The following TSHZ3 variants were observed in gnomAD, a reference collection of about 807,000 sequenced individuals.
TSHZ3 encodes teashirt zinc finger homeobox 3, also known as teashirt homolog 3.
In TSHZ3, 10 loss-of-function variants were observed where a neutral mutation model predicts 64.5. That is an observed-to-expected ratio of 0.16 (90% CI 0.10 to 0.26). TSHZ3 has a LOEUF of 0.26. Among genes scored for constraint, TSHZ3 ranks in the 10% least tolerant of loss-of-function variants. TSHZ3 has a pLI of 1.00. For synonymous variants in TSHZ3, 608 were observed against 593.1 expected, an observed-to-expected ratio of 1.03 and a Z score of -0.36; for missense variants, 1,242 against 1,421.7, an observed-to-expected ratio of 0.87 and a Z score of 2.03.
At chr19:31,158,101 A>G (rs1406803249) in intron 5 of TSHZ3, among the ~76,000 whole-genome samples, 1 of 152,254 alleles carries the variant, frequency 6.6e-6, no homozygotes, top group Non-Finnish European at 1.5e-5. Flanking sequence ...CCCTAATTGT[A>G]CTTTCCTACT....
At chr19:31,241,447 C>G (rs1338637832) in intron 3 of TSHZ3, among the ~76,000 whole-genome samples, 1 of 152,182 alleles carries the variant, frequency 6.6e-6, no homozygotes, top group African/African-American at 2.4e-5. Context: ...GCATCCAGCC[C>G]CACCACACTG....
intron 1 of TSHZ3, among the ~76,000 whole-genome samples, chr19:31,288,165 G>A (rs576925460): frequency 2.6e-5 from 4 of 152,044 alleles, no homozygotes; most frequent in Non-Finnish European, 5.9e-5. Flanking sequence ...TTAACTAGCC[G>A]AAGGGGATGG....
chr19:31,302,616 C>T (rs541066563), intron 1 of TSHZ3, among the ~76,000 whole-genome samples: 1 of 151,608 alleles, frequency 6.6e-6, no homozygotes, highest in East Asian at 1.9e-4. Flanking sequence ...TATAAGTGTG[C>T]TTTTACTTTT....
chr19:31,292,665 A>G (rs1976586919), intron 1 of TSHZ3, among the ~76,000 whole-genome samples: 1 of 152,022 alleles, frequency 6.6e-6, no homozygotes, highest in African/African-American at 2.4e-5. Flanking sequence ...CCATCCATCC[A>G]TCCATCCATT....
At chr19:31,311,816 C>T (rs1289863585) in intron 1 of TSHZ3, among the ~76,000 whole-genome samples, 3 of 152,126 alleles carry the variant, frequency 2.0e-5, no homozygotes, top group African/African-American at 7.2e-5. Context: ...CTCCACCTCC[C>T]GGGTTCAAGG....
At chr19:31,178,926 T>A (rs1395434941) in intron 5 of TSHZ3, among the ~76,000 whole-genome samples, 2 of 152,136 alleles carry the variant, frequency 1.3e-5, no homozygotes, top group East Asian at 1.9e-4. Context: ...TGAAGAAATG[T>A]GCACCTGTGC....
intron 1 of TSHZ3, among the ~76,000 whole-genome samples, chr19:31,342,413 G>A (rs1471870143): frequency 6.6e-6 from 1 of 152,190 alleles, no homozygotes; most frequent in Non-Finnish European, 1.5e-5. Context: ...AATTTTTTAA[G>A]TGTAAATCTT....
At chr19:31,160,705 T>C (rs569863942) in intron 5 of TSHZ3, among the ~76,000 whole-genome samples, 1 of 151,710 alleles carries the variant, frequency 6.6e-6, no homozygotes, top group East Asian at 1.9e-4. Flanking sequence ...TACACACATA[T>C]ACACACGTAT....
At chr19:31,259,526 G>A (rs955649110) in intron 1 of TSHZ3, among the ~76,000 whole-genome samples, 3 of 152,060 alleles carry the variant, frequency 2.0e-5, no homozygotes, top group Admixed American at 2.0e-4. Context: ...TCCCTGCTAG[G>A]CACATGGGCT....
At chr19:31,239,762 T>C (rs542912549) in intron 3 of TSHZ3, among the ~76,000 whole-genome samples, 10 of 151,840 alleles carry the variant, frequency 6.6e-5, no homozygotes, top group African/African-American at 2.4e-4. Flanking sequence ...AAAAAACAAA[T>C]TGTGGAGATG....
intron 5 of TSHZ3, among the ~76,000 whole-genome samples, chr19:31,169,570 C>T (rs964814235): frequency 1.3e-5 from 2 of 152,028 alleles, no homozygotes; most frequent in Non-Finnish European, 2.9e-5. Flanking sequence ...AATATGAATG[C>T]ACTTAATACC....
At chr19:31,172,596 T>C (rs1261742914) in intron 5 of TSHZ3, among the ~76,000 whole-genome samples, 1 of 152,218 alleles carries the variant, frequency 6.6e-6, no homozygotes, top group Non-Finnish European at 1.5e-5. Flanking sequence ...CCCTATACTT[T>C]AACGTTCTAG....
At chr19:31,302,824 CT>C (rs1347518939) in intron 1 of TSHZ3, among the ~76,000 whole-genome samples, 1 of 152,180 alleles carries the variant, frequency 6.6e-6, no homozygotes, top group Non-Finnish European at 1.5e-5. Context: ...ACAGGAGCAT[CT>C]GGAAGCCAAA....
At position 31,349,234 on chromosome 19, in the gene TSHZ3, G is replaced by T; in HGVS notation, c.-15C>A. ...CTCCTCGGCATGATGCTTCTCCGGC[G>T]ACTGCCACTGCCGCCGCCGCCGCCG... On this transcript the variant is annotated 5_prime_UTR_variant, in exon 1 of 2. Transcript: ENST00000240587. 1 of 1,535,178 alleles carries T rather than the reference G, an allele frequency of 6.5e-7. No homozygotes were observed. The highest frequency in any genetic ancestry group is 8.8e-7 in the Non-Finnish European group (1 of 1,142,444).
intron 1 of TSHZ3, among the ~76,000 whole-genome samples, chr19:31,345,815 T>C (rs1917575462): frequency 6.6e-6 from 1 of 152,160 alleles, no homozygotes; most frequent in South Asian, 2.1e-4. Flanking sequence ...TTTTCAGAAA[T>C]GTTTTTTAAA....
intron 3 of TSHZ3, among the ~76,000 whole-genome samples, chr19:31,235,653 TTTCTTTCTA>T (rs1975602830): frequency 3.9e-5 from 4 of 103,234 alleles, no homozygotes; most frequent in African/African-American, 1.5e-4. Context: ...TTTCTTTCTA[TTTCTTTCTA>T]TTTCTTTCTT....
At chr19:31,185,807 T>G (rs948054376) in intron 5 of TSHZ3, among the ~76,000 whole-genome samples, 6 of 152,224 alleles carry the variant, frequency 3.9e-5, no homozygotes, top group Non-Finnish European at 8.8e-5. Context: ...AGTTCCATCA[T>G]TATCCTTCCC....
At chr19:31,323,998 G>A (rs1383594660) in intron 1 of TSHZ3, among the ~76,000 whole-genome samples, 1 of 151,784 alleles carries the variant, frequency 6.6e-6, no homozygotes, top group Admixed American at 6.6e-5. Context: ...GAGGGCTCAG[G>A]GATCAGAAGC....
intron 1 of TSHZ3, among the ~76,000 whole-genome samples, chr19:31,331,739 G>A (rs1307656224): frequency 1.3e-5 from 2 of 152,228 alleles, no homozygotes; most frequent in African/African-American, 2.4e-5. Context: ...TGTGGTGTCA[G>A]AGCTGTCTGG....
Sources: gnomAD v4.1 joint callset for allele counts (sites outside exome capture counted in the v4.1 genomes callset) on GRCh38, gnomAD v4.1.1 for gene constraint, MANE v1.5 for transcripts, NCBI Gene and HGNC (gene_info 2026-07-23, HGNC 2026-07-21) for gene names.